The following SLC4A10 variants were observed in gnomAD, a reference collection of about 807,000 sequenced individuals.
The protein encoded by SLC4A10 is sodium-driven chloride bicarbonate exchanger.
SLC4A10 carries 42 observed loss-of-function variants against 137.7 expected under a neutral mutation model. That is an observed-to-expected ratio of 0.30 (90% CI 0.24 to 0.39). The LOEUF (loss-of-function observed/expected upper bound fraction) is 0.39. SLC4A10 is among the 10% of genes least tolerant of loss of function. SLC4A10 has a pLI of 1.00. For synonymous variants in SLC4A10, 474 were observed against 464.1 expected (o/e 1.02, Z -0.27); for missense variants, 925 against 1,355.0 (o/e 0.68, Z 4.98).
chr2:161,744,468 C>T (rs2048215081), intron 1 of SLC4A10, among the ~76,000 whole-genome samples: 1 of 152,072 alleles, frequency 6.6e-6, no homozygotes, highest in Non-Finnish European at 1.5e-5. Context: ...ATTGCTGCAT[C>T]CCTGGGATAA....
intron 10 of SLC4A10, among the ~76,000 whole-genome samples, chr2:161,882,712 G>A (rs2125978633): frequency 6.6e-6 from 1 of 151,994 alleles, no homozygotes; most frequent in Middle Eastern, 3.4e-3. Flanking sequence ...TTCCCTTTAT[G>A]GTATATGTGC....
intron 1 of SLC4A10, among the ~76,000 whole-genome samples, chr2:161,751,060 A>G (rs2048911774): frequency 6.6e-6 from 1 of 151,816 alleles, no homozygotes; most frequent in Non-Finnish European, 1.5e-5. Context: ...TACCATTTGC[A>G]TGAAATATCT....
Position 161,708,749 on chromosome 2 carries a change from A to T in SLC4A10, c.49-62224A>T, listed in dbSNP as rs775213082. 17 of 1,531,520 alleles carry T rather than the reference A, an allele frequency of 1.1e-5. No individual in the cohort carries two copies. The East Asian group carries it at 2.2e-4, about 20-fold the overall frequency. 94.9% of individuals were successfully genotyped at this position (1,531,520 alleles called of 1,614,324 possible). A position where few individuals can be genotyped will look rare whatever the true frequency, so the allele number is the denominator to read the frequency against. ...GTGATTATCTTTTGTAAGACAGGAA[A>T]TGCAGTCTTTAGGGGTTTCTGGAAA... On this transcript the variant is annotated intron_variant, in intron 1 of 26. Coordinates refer to ENST00000446997, the MANE Select transcript of SLC4A10 (RefSeq NM_001178015.2).
intron 23 of SLC4A10, among the ~76,000 whole-genome samples, chr2:161,969,874 T>G (rs75783176): frequency 6.6e-6 from 1 of 152,180 alleles, no homozygotes; most frequent in East Asian, 1.9e-4. Flanking sequence ...ATGGCCAAAT[T>G]ATTACACAGA....
At chr2:161,828,767 C>CATATAGATAT (rs2058201317) in intron 3 of SLC4A10, among the ~76,000 whole-genome samples, 1 of 42,076 alleles carries the variant, frequency 2.4e-5, no homozygotes, top group East Asian at 1.0e-3. Flanking sequence ...AATTCTAATT[C>CATATAGATAT]ATATATATAT....
chr2:161,846,142 A>C (rs1162189955), intron 4 of SLC4A10, among the ~76,000 whole-genome samples: 1 of 152,150 alleles, frequency 6.6e-6, no homozygotes, highest in Non-Finnish European at 1.5e-5. Context: ...AAAATAAATC[A>C]ACTAGAAAAG....
At chr2:161,978,049 T>C (rs1457894816) in intron 26 of SLC4A10, among the ~76,000 whole-genome samples, 1 of 152,178 alleles carries the variant, frequency 6.6e-6, no homozygotes, top group Non-Finnish European at 1.5e-5. Flanking sequence ...AGTAATGGCA[T>C]CAAATTTCTG....
chr2:161,705,617 G>A (rs1341851780), intron 1 of SLC4A10, among the ~76,000 whole-genome samples: 1 of 151,594 alleles, frequency 6.6e-6, no homozygotes, highest in African/African-American at 2.4e-5. Context: ...ACATTTGGGA[G>A]ATGATTAGAC....
At chr2:161,775,361 A>G (rs2052191829) in intron 2 of SLC4A10, among the ~76,000 whole-genome samples, 1 of 151,924 alleles carries the variant, frequency 6.6e-6, no homozygotes, top group South Asian at 2.1e-4. Context: ...TGTGGGAAGT[A>G]CAACAGTACA....
intron 15 of SLC4A10, among the ~76,000 whole-genome samples, chr2:161,933,235 CTTT>C (rs1575715372): frequency 8.9e-6 from 1 of 112,012 alleles, no homozygotes; most frequent in Non-Finnish European, 1.9e-5. Context: ...TTCTTTCTTT[CTTT>C]CTTTCTTTCT....
intron 26 of SLC4A10, among the ~76,000 whole-genome samples, chr2:161,981,937 G>A (rs76935726): frequency 6.6e-6 from 1 of 152,190 alleles, no homozygotes; most frequent in Admixed American, 6.5e-5. Flanking sequence ...CCGGGTGGTG[G>A]TGACAACTGA....
chr2:161,968,892 C>T (rs1234407865), intron 23 of SLC4A10, among the ~76,000 whole-genome samples: 2 of 152,126 alleles, frequency 1.3e-5, no homozygotes, highest in Non-Finnish European at 2.9e-5. Flanking sequence ...TCTTGGTATT[C>T]TATTTTCTTG....
chr2:161,734,801 G>A lies in SLC4A10; in HGVS notation c.49-36172G>A, dbSNP rs73005108. ...ACATATTGATATTGTTTGGCTCTGTGCCTCCACCCGAATCATATCTTGAAT... is the reference window on the plus strand; with the variant it reads ...ACATATTGATATTGTTTGGCTCTGTACCTCCACCCGAATCATATCTTGAAT... On this transcript the variant is annotated intron_variant, in intron 1 of 26. Coordinates refer to ENST00000446997, the MANE Select transcript of SLC4A10 (RefSeq NM_001178015.2). Among the ~76,000 whole-genome samples the A allele has an allele frequency of 6.2e-3, 935 of 151,920 alleles. 9 individuals carry two copies. Among genetic ancestry groups the A allele is most frequent in the African/African-American group, 0.021 (888 of 41,426 alleles).
chr2:161,709,127 C>A (rs1368774749), intron 1 of SLC4A10, among the ~76,000 whole-genome samples: 1 of 151,174 alleles, frequency 6.6e-6, no homozygotes, highest in Non-Finnish European at 1.5e-5. Flanking sequence ...TGGGGCACTT[C>A]AGATTTTTCC....
At chr2:161,782,809 G>A (rs2053194728) in intron 2 of SLC4A10, among the ~76,000 whole-genome samples, 1 of 147,088 alleles carries the variant, frequency 6.8e-6, no homozygotes, top group Non-Finnish European at 1.5e-5. Flanking sequence ...AAACAAAAAG[G>A]ACAAAATAAT....
intron 3 of SLC4A10, among the ~76,000 whole-genome samples, chr2:161,832,383 A>T (rs1435939285): frequency 6.6e-6 from 1 of 152,232 alleles, no homozygotes; most frequent in East Asian, 1.9e-4. Context: ...AGGAAGGGAT[A>T]CTGACAGAGA....
chr2:161,956,108 G>C (rs1170072983), intron 19 of SLC4A10, among the ~76,000 whole-genome samples: 1 of 152,084 alleles, frequency 6.6e-6, no homozygotes, highest in African/African-American at 2.4e-5. Flanking sequence ...AACATTTATT[G>C]TTTAACCACT....
chr2:161,743,818 A>C (rs1049049407), intron 1 of SLC4A10, among the ~76,000 whole-genome samples: 13 of 151,958 alleles, frequency 8.6e-5, no homozygotes, highest in African/African-American at 3.1e-4. Context: ...TTCTTGCTTC[A>C]ATGTTTTGTC....
At chr2:161,699,374 A>G (rs1031990345) in intron 1 of SLC4A10, among the ~76,000 whole-genome samples, 1 of 151,946 alleles carries the variant, frequency 6.6e-6, no homozygotes, top group Non-Finnish European at 1.5e-5. Context: ...TCTTTTATTT[A>G]CCATAAGAGT....
Sources: allele counts gnomAD v4.1 joint callset (sites outside exome capture counted in the v4.1 genomes callset), GRCh38; gene constraint gnomAD v4.1.1; transcripts MANE v1.5; gene names NCBI Gene and HGNC (gene_info 2026-07-23, HGNC 2026-07-21).